ULK4: variants seen among roughly 807,000 people sequenced by gnomAD.
ULK4 encodes the protein inactive serine/threonine-protein kinase ULK4.
A neutral mutation model predicts 160.6 loss-of-function variants in ULK4; 133 were observed. The observed-to-expected ratio is 0.83, with a 90% CI of 0.72 to 0.96. The LOEUF is 0.96. Among genes scored for constraint, ULK4 ranks in the 40% least tolerant of loss-of-function variants. The probability of loss-of-function intolerance (pLI) is 0.00; values close to 1 mark genes in which losing one functional copy is unlikely to be tolerated. For synonymous variants in ULK4, 534 were observed against 539.8 expected (o/e 0.99, Z 0.15); for missense variants, 1,580 against 1,499.5 (o/e 1.05, Z -0.89).
At chr3:41,653,957 T>C (rs1012681681) in intron 30 of ULK4, among the ~76,000 whole-genome samples, 3 of 152,222 alleles carry the variant, frequency 2.0e-5, no homozygotes, top group African/African-American at 7.2e-5. Context: ...ATGTATGCAA[T>C]AAACCTAAGT....
At chr3:41,511,744 C>T (rs796208585) in intron 32 of ULK4, among the ~76,000 whole-genome samples, 1 of 152,114 alleles carries the variant, frequency 6.6e-6, no homozygotes, top group Admixed American at 6.5e-5. Context: ...CCTAGTGACA[C>T]TATTCCATAG....
intron 19 of ULK4, among the ~76,000 whole-genome samples, chr3:41,811,749 T>C (rs765933565): frequency 1.3e-5 from 2 of 152,206 alleles, no homozygotes; most frequent in African/African-American, 2.4e-5. Flanking sequence ...TGGTAATTTC[T>C]AGAGTTCTAA....
chr3:41,665,938 T>C (rs1194232006), intron 29 of ULK4, among the ~76,000 whole-genome samples: 4 of 152,160 alleles, frequency 2.6e-5, no homozygotes, highest in Non-Finnish European at 5.9e-5. Flanking sequence ...CTCCCAACTA[T>C]GGTTTATTAC....
chr3:41,504,821 T>C (rs2085324607), intron 32 of ULK4, among the ~76,000 whole-genome samples: 1 of 152,180 alleles, frequency 6.6e-6, no homozygotes. Flanking sequence ...TTCAATCTAA[T>C]CAAGAGTCAT....
intron 32 of ULK4, among the ~76,000 whole-genome samples, chr3:41,550,744 A>T (rs1432799975): frequency 2.0e-5 from 3 of 152,074 alleles, no homozygotes; most frequent in Non-Finnish European, 4.4e-5. Flanking sequence ...AAAAATCAAC[A>T]ACAAAACACT....
At chr3:41,291,085 T>C (rs1032216796) in intron 35 of ULK4, among the ~76,000 whole-genome samples, 2 of 152,084 alleles carry the variant, frequency 1.3e-5, no homozygotes, top group Non-Finnish European at 1.5e-5. Context: ...TTCGCGGTGA[T>C]CCTTGCAAGT....
At chr3:41,675,522 G>A (rs544971659) in intron 29 of ULK4, among the ~76,000 whole-genome samples, 110 of 152,108 alleles carry the variant, frequency 7.2e-4, no homozygotes, top group Admixed American at 1.0e-3. Flanking sequence ...CCTGGGAGGC[G>A]AAGGTTGCAG....
intron 29 of ULK4, among the ~76,000 whole-genome samples, chr3:41,679,529 T>A (rs1349049165): frequency 1.3e-5 from 2 of 152,240 alleles, no homozygotes; most frequent in East Asian, 3.8e-4. Flanking sequence ...ACATTATTTA[T>A]GTTATTGAAC....
intron 35 of ULK4, among the ~76,000 whole-genome samples, chr3:41,351,992 GAC>G (rs2080919544): frequency 6.6e-6 from 1 of 152,218 alleles, no homozygotes. Context: ...TACATAAACA[GAC>G]ACAGTCTATA....
chr3:41,314,321 T>C (rs529052280), intron 35 of ULK4, among the ~76,000 whole-genome samples: 15 of 152,314 alleles, frequency 9.8e-5, no homozygotes, highest in African/African-American at 3.4e-4. Context: ...GTGAACACTA[T>C]ACCCAACTGG....
intron 19 of ULK4, among the ~76,000 whole-genome samples, chr3:41,808,080 T>C (rs1413453670): frequency 1.3e-5 from 2 of 152,208 alleles, no homozygotes; most frequent in Non-Finnish European, 2.9e-5. Flanking sequence ...GTCTGGGGAA[T>C]GCTAAGCTTC....
chr3:41,286,265 C>T (rs1012436076), intron 35 of ULK4, among the ~76,000 whole-genome samples: 6 of 152,088 alleles, frequency 3.9e-5, no homozygotes, highest in South Asian at 2.1e-4. Flanking sequence ...CCCTCTGAGA[C>T]GGGCGTTATT....
chr3:41,495,554 C>T (rs7372471), intron 32 of ULK4, among the ~76,000 whole-genome samples: 60,464 of 149,248 alleles, frequency 0.41, 12,507 homozygotes, highest in African/African-American at 0.43. Flanking sequence ...AAAGCAATGG[C>T]AACAAAGGAC....
At chr3:41,296,015 C>T (rs1029954482) in intron 35 of ULK4, among the ~76,000 whole-genome samples, 4 of 152,182 alleles carry the variant, frequency 2.6e-5, no homozygotes, top group Admixed American at 2.0e-4. Context: ...AGGTGCCATT[C>T]AGTAGATGAC....
At chr3:41,541,783 T>C (rs1226910577) in intron 32 of ULK4, among the ~76,000 whole-genome samples, 2 of 152,180 alleles carry the variant, frequency 1.3e-5, no homozygotes, top group Admixed American at 6.5e-5. Flanking sequence ...TTATTCTCTT[T>C]GTAGCAATTG....
chr3:41,423,623 C>A (rs1275405118), intron 34 of ULK4, among the ~76,000 whole-genome samples: 1 of 152,024 alleles, frequency 6.6e-6, no homozygotes, highest in Non-Finnish European at 1.5e-5. Context: ...CAGTTGGAGG[C>A]TCCCACCAAG....
chr3:41,329,779 C>T (rs559971315), intron 35 of ULK4, among the ~76,000 whole-genome samples: 3 of 152,206 alleles, frequency 2.0e-5, no homozygotes, highest in South Asian at 2.1e-4. Context: ...TAGCAATAAA[C>T]ACCTTTCTTT....
At chr3:41,912,446 A>T (rs1698822685) in intron 9 of ULK4, among the ~76,000 whole-genome samples, 2 of 152,174 alleles carry the variant, frequency 1.3e-5, no homozygotes, top group South Asian at 4.1e-4. Context: ...GGAATAACAC[A>T]CATTGCTTTT....
chr3:41,877,944 G>C (rs545615922), intron 17 of ULK4, among the ~76,000 whole-genome samples: 1 of 151,992 alleles, frequency 6.6e-6, no homozygotes, highest in African/African-American at 2.4e-5. Context: ...TCGCGCCGTC[G>C]CACTCCAGCC....
Sources: allele counts gnomAD v4.1 joint callset (sites outside exome capture counted in the v4.1 genomes callset), GRCh38; gene constraint gnomAD v4.1.1; transcripts MANE v1.5; gene names NCBI Gene and HGNC (gene_info 2026-07-23, HGNC 2026-07-21).